Variants in CSTPP1 observed in about 807,000 individuals in gnomAD.
CSTPP1 encodes centriolar satellite-associated tubulin polyglutamylase complex regulator 1.
the CSTPP1 span, among the ~76,000 whole-genome samples, chr11:47,061,881 G>A: frequency 1.3e-5 from 2 of 151,882 alleles, no homozygotes; most frequent in African/African-American, 2.4e-5. Flanking sequence ...ATTCACCTCT[G>A]TACCTCCAAT....
At chr11:47,052,182 A>G in the CSTPP1 span, 8 of 452,480 alleles carry the variant, frequency 1.8e-5, no homozygotes, top group African/African-American at 6.1e-5. Context: ...ACTCAGAGGA[A>G]CTGGCCTCCA....
chr11:46,984,084 G>A, the CSTPP1 span, among the ~76,000 whole-genome samples: 5 of 152,106 alleles, frequency 3.3e-5, no homozygotes, highest in Admixed American at 3.3e-4. Context: ...AAATTCACGT[G>A]GACCCAAATG....
At chr11:47,013,979 G>A in the CSTPP1 span, among the ~76,000 whole-genome samples, 50 of 152,198 alleles carry the variant, frequency 3.3e-4, no homozygotes, top group Admixed American at 3.3e-4. Context: ...GCCAAGGTGG[G>A]TGGATTGTTT....
the CSTPP1 span, among the ~76,000 whole-genome samples, chr11:47,037,389 A>AT: frequency 5.0e-5 from 4 of 80,240 alleles, no homozygotes; most frequent in African/African-American, 1.4e-4. Flanking sequence ...TATTATTATT[A>AT]TTATTTTTTT....
At chr11:47,161,268 A>G in the CSTPP1 span, 1 of 1,611,314 alleles carries the variant, frequency 6.2e-7, no homozygotes, top group Non-Finnish European at 8.5e-7. Flanking sequence ...ATCTGGGGCC[A>G]ACACCACTTG....
chr11:47,043,609 T>G, the CSTPP1 span, among the ~76,000 whole-genome samples: 1 of 152,190 alleles, frequency 6.6e-6, no homozygotes, highest in South Asian at 2.1e-4. Flanking sequence ...CTAAAATACA[T>G]GAGGAACACT....
At chr11:47,063,465 A>G in the CSTPP1 span, among the ~76,000 whole-genome samples, 3 of 152,200 alleles carry the variant, frequency 2.0e-5, no homozygotes, top group Non-Finnish European at 4.4e-5. Context: ...CTCAGTAGCC[A>G]TTAAACAATG....
At chr11:47,148,290 C>T in the CSTPP1 span, among the ~76,000 whole-genome samples, 1 of 152,186 alleles carries the variant, frequency 6.6e-6, no homozygotes, top group African/African-American at 2.4e-5. Flanking sequence ...TCAGCCACCC[C>T]ATGACTGCCA....
At chr11:46,980,543 G>C in the CSTPP1 span, among the ~76,000 whole-genome samples, 2 of 152,126 alleles carry the variant, frequency 1.3e-5, no homozygotes, top group African/African-American at 4.8e-5. Context: ...ATGCAGTACA[G>C]ACTGGAATAT....
the CSTPP1 span, among the ~76,000 whole-genome samples, chr11:46,985,216 G>C: frequency 5.7e-3 from 873 of 152,214 alleles, 11 homozygotes; most frequent in African/African-American, 0.019. Flanking sequence ...AGGCTGCTGG[G>C]AACGTGGTGA....
chr11:47,111,434 C>T, the CSTPP1 span, among the ~76,000 whole-genome samples: 4 of 152,120 alleles, frequency 2.6e-5, no homozygotes, highest in South Asian at 2.1e-4. Context: ...CATGACTTTG[C>T]GGTTGCATTG....
chr11:47,098,177 C>T, the CSTPP1 span, among the ~76,000 whole-genome samples: 6 of 125,376 alleles, frequency 4.8e-5, no homozygotes, highest in East Asian at 2.2e-4. Context: ...TGCGGAAGGC[C>T]GCAGGGTCCT....
the CSTPP1 span, chr11:47,163,989 C>G: frequency 1.5e-6 from 2 of 1,327,040 alleles, no homozygotes; most frequent in East Asian, 2.4e-5. Context: ...CCCAGTCAAG[C>G]CTACTGCCGT....
the CSTPP1 span, chr11:47,157,840 G>A: frequency 2.5e-6 from 4 of 1,613,994 alleles, no homozygotes; most frequent in African/African-American, 4.0e-5. Context: ...TTGTCAAAGA[G>A]GCCCTCAGCA....
chr11:47,068,790 A>G, the CSTPP1 span, among the ~76,000 whole-genome samples: 1 of 152,200 alleles, frequency 6.6e-6, no homozygotes, highest in African/African-American at 2.4e-5. Flanking sequence ...ACCAGATCAT[A>G]TAAGTAAAAG....
the CSTPP1 span, among the ~76,000 whole-genome samples, chr11:47,086,393 G>T: frequency 6.6e-6 from 1 of 151,900 alleles, no homozygotes; most frequent in Non-Finnish European, 1.5e-5. Flanking sequence ...GTGATGGAGT[G>T]AGACTCTGTG....
At chr11:47,125,149 TA>T in the CSTPP1 span, among the ~76,000 whole-genome samples, 3 of 152,222 alleles carry the variant, frequency 2.0e-5, no homozygotes, top group Non-Finnish European at 2.9e-5. Context: ...CATATACCCA[TA>T]AAAGACAAAA....
chr11:47,145,355 A>G, the CSTPP1 span, among the ~76,000 whole-genome samples: 1 of 151,948 alleles, frequency 6.6e-6, no homozygotes, highest in Non-Finnish European at 1.5e-5. Flanking sequence ...TTTGGGAGGC[A>G]AAGGCAGGTG....
the CSTPP1 span, among the ~76,000 whole-genome samples, chr11:47,058,276 T>C: frequency 6.6e-6 from 1 of 152,138 alleles, no homozygotes; most frequent in Non-Finnish European, 1.5e-5. Context: ...TGCAGTGAGC[T>C]GTGATCGCAC....
Sources: allele counts gnomAD v4.1 joint callset (sites outside exome capture counted in the v4.1 genomes callset), GRCh38; gene constraint gnomAD v4.1.1; transcripts MANE v1.5; gene names NCBI Gene and HGNC (gene_info 2026-07-23, HGNC 2026-07-21).